RFLNA: variants seen among roughly 807,000 people sequenced by gnomAD.
RFLNA encodes refilin-A.
A neutral mutation model predicts 7.8 loss-of-function variants in RFLNA; 5 were observed. The ratio of observed to expected loss-of-function variants is 0.64; its 90% confidence interval spans 0.34 to 1.35. The LOEUF is 1.35. RFLNA is among the 40% of genes most tolerant of loss of function. RFLNA has a pLI of 0.04. For synonymous variants in RFLNA, 141 were observed against 131.3 expected, an observed-to-expected ratio of 1.07 and a Z score of -0.50; for missense variants, 278 against 305.5, an observed-to-expected ratio of 0.91 and a Z score of 0.67.
At position 124,295,435 on chromosome 12, in the gene RFLNA, G is replaced by T; in HGVS notation, c.6G>T (p.Val2=). 1.6e-6 allele frequency: 2 copies of T among 1,228,524 alleles called. No individual in the cohort carries two copies. The highest frequency in any genetic ancestry group is 2.0e-6 in the Non-Finnish European group (2 of 987,290). The allele number at this position is 1,228,524 out of a possible 1,614,324, so 76.1% of individuals were successfully genotyped here. A position where few individuals can be genotyped will look rare whatever the true frequency, so the allele number is the denominator to read the frequency against. ...GCGCCCCGCGCCCCCCAGACATGGTGGGCCACCTGCATCTGCAGGGCATGG... is the reference window on the plus strand; with the variant it reads ...GCGCCCCGCGCCCCCCAGACATGGTTGGCCACCTGCATCTGCAGGGCATGG... The part of the protein sequence containing the change: M[V]GHLHLQGMED... The change falls in exon 1 of 3, where the codon GTG becomes GTT. Residue 2 remains valine (V), a synonymous_variant. Coordinates refer to ENST00000546355, the MANE Select transcript of RFLNA (RefSeq NM_001365156.1).
chr12:124,290,392 ATG>A (rs1247148105), upstream of RFLNA, among the ~76,000 whole-genome samples: 2 of 151,772 alleles, frequency 1.3e-5, no homozygotes, highest in Non-Finnish European at 2.9e-5. The surrounding 1 kb of genome is among the most constrained non-coding windows in gnomAD (Gnocchi z 4.0). Flanking sequence ...ATGTGTGCAT[ATG>A]TGTTTACCTG....
chr12:124,290,448 G>A (rs1424224671), upstream of RFLNA, among the ~76,000 whole-genome samples: 1 of 152,102 alleles, frequency 6.6e-6, no homozygotes, highest in Non-Finnish European at 1.5e-5. This position sits in a 1 kb window ranked among gnomAD's most constrained non-coding sequence, Gnocchi z 4.0. Flanking sequence ...ATGTGTATGT[G>A]TATATATGTA....
At position 124,289,392 on chromosome 12, in the gene RFLNA, T is replaced by G. The variant is rs1453050872; in HGVS notation, c.-37+22T>G. 1 of 152,010 alleles carries G rather than the reference T, an allele frequency of 6.6e-6. No individual in the cohort carries two copies. The highest frequency in any genetic ancestry group is 1.5e-5 in the Non-Finnish European group (1 of 67,988). The allele number at this position is 152,010 out of a possible 1,614,324, so 9.4% of individuals were successfully genotyped here. A position where few individuals can be genotyped will look rare whatever the true frequency, so the allele number is the denominator to read the frequency against. ...TGAGGTGAGTCCAGCAGCCCCACTGTGGAGTGGGAACGGGAGGGGCTGCGG... is the reference window on the plus strand; with the variant it reads ...TGAGGTGAGTCCAGCAGCCCCACTGGGGAGTGGGAACGGGAGGGGCTGCGG... On this transcript the variant is annotated intron_variant, in intron 1 of 2. Coordinates refer to the RFLNA transcript ENST00000324038. The surrounding 1 kb of genome is among the most constrained non-coding windows in gnomAD (Gnocchi z 5.0).
intron 1 of RFLNA, 115 bp downstream of exon 1, chr12:124,295,751 C>T: frequency 1.9e-6 from 2 of 1,076,174 alleles, no homozygotes; most frequent in South Asian, 9.5e-5. Context: ...CTACCTGCCC[C>T]GCAACCACGA....
chr12:124,314,683 C>A lies in RFLNA; in HGVS notation c.*158C>A. ...GTGGAAGGAGGCGGCTCCCCGCTGC[C>A]TGCCCTGACCTACAGGCTAGGTGGT... On this transcript the variant is annotated 3_prime_UTR_variant, in exon 3 of 3. Transcript: ENST00000546355. The A allele has an allele frequency of 8.5e-7, 1 of 1,181,114 alleles. No individual in the cohort carries two copies. The highest frequency in any genetic ancestry group is 1.2e-6 in the Non-Finnish European group (1 of 823,496). The allele number at this position is 1,181,114 out of a possible 1,614,324, so 73.2% of individuals were successfully genotyped here. A position where few individuals can be genotyped will look rare whatever the true frequency, so the allele number is the denominator to read the frequency against.
At position 124,300,164 on chromosome 12, in the gene RFLNA, G is replaced by A. The variant is rs143785743; in HGVS notation, c.207+4528G>A. 2.0e-3 allele frequency among the ~76,000 whole-genome samples: 311 copies of A among 152,348 alleles called. 1 individual carries two copies. Among genetic ancestry groups the A allele is most frequent in the African/African-American group, 7.1e-3 (297 of 41,584 alleles). ...TGGCAGGTGGTGACAGATCTGAGCT[G>A]TTGCTGCCTCCCAGATGCAGAGACG... On this transcript the variant is annotated intron_variant, in intron 1 of 2. Transcript: ENST00000546355.
chr12:124,312,411 A>C (rs985274907), intron 2 of RFLNA, among the ~76,000 whole-genome samples: 1 of 151,718 alleles, frequency 6.6e-6, no homozygotes, highest in African/African-American at 2.4e-5. Flanking sequence ...CCTGGGCTTA[A>C]GCAATCCTCC....
At chr12:124,313,962 T>A (rs935201273) in intron 2 of RFLNA, among the ~76,000 whole-genome samples, 2 of 152,144 alleles carry the variant, frequency 1.3e-5, no homozygotes. Flanking sequence ...CAGTTCAGGA[T>A]CCAGTCAGGG....
At chr12:124,303,034 G>A (rs1340504452) in intron 1 of RFLNA, among the ~76,000 whole-genome samples, 1 of 152,172 alleles carries the variant, frequency 6.6e-6, no homozygotes, top group East Asian at 1.9e-4. Flanking sequence ...GCACTGATGG[G>A]CCGCTAGTTG....
intron 1 of RFLNA, among the ~76,000 whole-genome samples, chr12:124,311,540 G>A (rs927038860): frequency 5.3e-5 from 8 of 152,342 alleles, no homozygotes; most frequent in African/African-American, 1.9e-4. Context: ...AGGTTGCAGT[G>A]AGAGGCCATG....
chr12:124,302,238 G>T (rs1215412793), intron 1 of RFLNA, among the ~76,000 whole-genome samples: 2 of 152,210 alleles, frequency 1.3e-5, no homozygotes, highest in African/African-American at 2.4e-5. Context: ...ACTTATCTTT[G>T]TGGGGGACAC....
At chr12:124,290,334 GC>G (rs1429933541), upstream of RFLNA, among the ~76,000 whole-genome samples, 1 of 152,004 alleles carries the variant, frequency 6.6e-6, no homozygotes, top group Non-Finnish European at 1.5e-5. The surrounding 1 kb of genome is among the most constrained non-coding windows in gnomAD (Gnocchi z 4.0). Context: ...ATGTGCATTT[GC>G]ATATGTGTGT....
upstream of RFLNA, among the ~76,000 whole-genome samples, chr12:124,294,384 G>A (rs1226538050): frequency 6.6e-6 from 1 of 152,174 alleles, no homozygotes; most frequent in Non-Finnish European, 1.5e-5. Flanking sequence ...GGTGGGGGGC[G>A]TCTGTGTGGC....
chr12:124,297,779 G>A (rs1196115041), intron 1 of RFLNA, among the ~76,000 whole-genome samples: 1 of 152,152 alleles, frequency 6.6e-6, no homozygotes, highest in East Asian at 1.9e-4. Flanking sequence ...ATTGCCTGGC[G>A]CCCACTCTTC....
chr12:124,315,024 T>G lies in RFLNA; in HGVS notation c.*499T>G. 1 of 257,374 alleles carries G rather than the reference T, an allele frequency of 3.9e-6. No homozygotes were observed. Among genetic ancestry groups the G allele is most frequent in the South Asian group, 4.7e-5 (1 of 21,496 alleles). 15.9% of individuals were successfully genotyped at this position (257,374 alleles called of 1,614,324 possible). Reference sequence around the variant, plus strand: ...CTTCCCTGCTGCTGGCCTGGGGTATTTCCAAAACAGCCTTTTCGCACACAT... The same window carrying G: ...CTTCCCTGCTGCTGGCCTGGGGTATGTCCAAAACAGCCTTTTCGCACACAT... On this transcript the variant is annotated 3_prime_UTR_variant, in exon 3 of 3. Transcript: ENST00000546355.
Position 124,306,877 on chromosome 12 carries a change from C to A in RFLNA, c.208-4941C>A, listed in dbSNP as rs2034145936. On this transcript the variant is annotated intron_variant, in intron 1 of 2. Coordinates refer to ENST00000546355, the MANE Select transcript of RFLNA (RefSeq NM_001365156.1). This position sits in a 1 kb window ranked among gnomAD's most constrained non-coding sequence, Gnocchi z 5.2. ...CTTGGCTCTGAGTTCACAGTTCCCG[C>A]CCAGCCCGATGTCCACCCTCCACTC... Among the ~76,000 whole-genome samples the A allele has an allele frequency of 6.6e-6, 1 of 152,112 alleles. No homozygotes were observed. The highest frequency in any genetic ancestry group is 1.5e-5 in the Non-Finnish European group (1 of 68,006).
chr12:124,302,533 A>G (rs537539472), intron 1 of RFLNA, among the ~76,000 whole-genome samples: 99 of 152,070 alleles, frequency 6.5e-4, no homozygotes, highest in African/African-American at 2.3e-3. Flanking sequence ...GTTGGGGGAG[A>G]TCGAGAAAGA....
intron 1 of RFLNA, among the ~76,000 whole-genome samples, chr12:124,302,404 C>A (rs2034053487): frequency 6.6e-6 from 1 of 152,152 alleles, no homozygotes; most frequent in Admixed American, 6.5e-5. Flanking sequence ...GGGTTCCTTG[C>A]TGGGCCCTTG....
At chr12:124,310,193 A>AAAAAAAAAAAAAAAAAAAAC (rs1566328172) in intron 1 of RFLNA, among the ~76,000 whole-genome samples, 2 of 147,210 alleles carry the variant, frequency 1.4e-5, no homozygotes, top group African/African-American at 2.5e-5. Context: ...AAAAAAAAAA[A>AAAAAAAAAAAAAAAAAAAAC]AAAGCCTTTA....
Sources: allele counts gnomAD v4.1 joint callset (sites outside exome capture counted in the v4.1 genomes callset), GRCh38; gene constraint gnomAD v4.1.1; non-coding constraint Gnocchi (gnomAD v3.1); transcripts MANE v1.5; gene names NCBI Gene and HGNC (gene_info 2026-07-23, HGNC 2026-07-21).